PACRG: variants seen among roughly 807,000 people sequenced by gnomAD.
PACRG encodes parkin coregulated, also known as parkin coregulated gene protein.
PACRG carries 29 observed loss-of-function variants against 29.7 expected under a neutral mutation model. That is an observed-to-expected ratio of 0.98 (90% CI 0.73 to 1.33). The LOEUF (loss-of-function observed/expected upper bound fraction) is 1.33, where lower values mean the gene tolerates loss of function less well. PACRG is among the 40% of genes most tolerant of loss of function. The pLI is 0.00. For missense variants in PACRG, 279 were observed against 316.2 expected (o/e 0.88, Z 0.89); for synonymous variants, 116 against 118.7 (o/e 0.98, Z 0.15).
intron 4 of PACRG, among the ~76,000 whole-genome samples, chr6:163,139,872 A>G (rs970925242): frequency 6.6e-6 from 1 of 152,162 alleles, no homozygotes; most frequent in Admixed American, 6.5e-5. Context: ...TGCGTTTGCT[A>G]AGGAGTCCCT....
intron 4 of PACRG, among the ~76,000 whole-genome samples, chr6:163,099,641 A>G (rs1186480241): frequency 6.6e-6 from 1 of 152,214 alleles, no homozygotes; most frequent in Non-Finnish European, 1.5e-5. Flanking sequence ...GCACCAACTA[A>G]TGACTTTTTA....
chr6:163,304,973 C>T (rs1447267155), intron 4 of PACRG, among the ~76,000 whole-genome samples: 1 of 152,230 alleles, frequency 6.6e-6, no homozygotes, highest in Non-Finnish European at 1.5e-5. Context: ...GAAAGATAAA[C>T]AGACTATTAA....
chr6:162,889,670 T>C (rs900921219), intron 2 of PACRG, among the ~76,000 whole-genome samples: 1 of 152,268 alleles, frequency 6.6e-6, no homozygotes, highest in Non-Finnish European at 1.5e-5. Flanking sequence ...TAGCTGACTT[T>C]AGCATTTTGG....
chr6:163,065,108 G>T (rs191215535), intron 3 of PACRG, among the ~76,000 whole-genome samples: 1 of 152,140 alleles, frequency 6.6e-6, no homozygotes, highest in East Asian at 1.9e-4. Context: ...CCACACCGTG[G>T]GTCTCGGACA....
At chr6:162,745,485 A>G (rs1435775719) in intron 1 of PACRG, among the ~76,000 whole-genome samples, 2 of 152,156 alleles carry the variant, frequency 1.3e-5, no homozygotes, top group African/African-American at 4.8e-5. Flanking sequence ...AATCACCATG[A>G]CACACATATA....
chr6:162,914,909 A>G (rs1043610519), intron 2 of PACRG, among the ~76,000 whole-genome samples: 1 of 152,058 alleles, frequency 6.6e-6, no homozygotes, highest in Non-Finnish European at 1.5e-5. Flanking sequence ...TGCAGATTAT[A>G]TATTATTTCT....
Position 163,168,469 on chromosome 6 carries a change from G to A in PACRG, c.613+79061G>A, listed in dbSNP as rs2128345431. 2.0e-5 allele frequency among the ~76,000 whole-genome samples: 3 copies of A among 152,282 alleles called. No individual in the cohort carries two copies. The South Asian group carries it at 6.2e-4, about 32-fold the overall frequency. ...AGATCACACCACCTCACTCCAGACT[G>A]AACAACAGAGCGAGACTCCGTCTCA... On this transcript the variant is annotated intron_variant, in intron 4 of 4. Transcript: ENST00000366888.
At chr6:162,732,795 T>A (rs1158291932) in intron 1 of PACRG, among the ~76,000 whole-genome samples, 1 of 152,196 alleles carries the variant, frequency 6.6e-6, no homozygotes, top group Admixed American at 6.5e-5. Flanking sequence ...TCTGGTACAA[T>A]GTTCTGCTCC....
At chr6:163,309,261 G>A (rs1449547859) in intron 4 of PACRG, among the ~76,000 whole-genome samples, 1 of 152,230 alleles carries the variant, frequency 6.6e-6, no homozygotes, top group East Asian at 1.9e-4. Flanking sequence ...CGATGGCGGT[G>A]CGGCTGAACC....
At chr6:162,900,576 T>G (rs969427553) in intron 2 of PACRG, among the ~76,000 whole-genome samples, 2 of 152,162 alleles carry the variant, frequency 1.3e-5, no homozygotes, top group Non-Finnish European at 2.9e-5. Context: ...CATCTCTTTC[T>G]CTGCATTTCC....
intron 2 of PACRG, among the ~76,000 whole-genome samples, chr6:162,985,795 A>G (rs764807368): frequency 2.0e-5 from 3 of 152,080 alleles, no homozygotes; most frequent in South Asian, 2.1e-4. Flanking sequence ...ATGATTGTAT[A>G]CCTAGAAAAC....
intron 2 of PACRG, among the ~76,000 whole-genome samples, chr6:162,923,826 T>C (rs1412723097): frequency 6.6e-6 from 1 of 152,088 alleles, no homozygotes; most frequent in Non-Finnish European, 1.5e-5. Flanking sequence ...GTTTTTATTT[T>C]CTTTTGTTTT....
chr6:163,178,095 G>A (rs1779473267), intron 4 of PACRG, among the ~76,000 whole-genome samples: 1 of 152,186 alleles, frequency 6.6e-6, no homozygotes, highest in Non-Finnish European at 1.5e-5. Flanking sequence ...ACGGAGCTCA[G>A]CCAGGAGAAA....
At chr6:163,049,946 G>C (rs1363837435) in intron 2 of PACRG, among the ~76,000 whole-genome samples, 1 of 151,892 alleles carries the variant, frequency 6.6e-6, no homozygotes, top group South Asian at 2.1e-4. Flanking sequence ...TATCCTACAA[G>C]ATACTTTTTT....
intron 2 of PACRG, among the ~76,000 whole-genome samples, chr6:163,005,929 A>G (rs934144341): frequency 6.8e-6 from 1 of 147,214 alleles, no homozygotes; most frequent in Non-Finnish European, 1.5e-5. Flanking sequence ...ATGTATATAT[A>G]TAACATGTAT....
intron 2 of PACRG, among the ~76,000 whole-genome samples, chr6:162,882,198 C>A (rs572310596): frequency 9.8e-5 from 13 of 132,244 alleles, no homozygotes; most frequent in African/African-American, 3.7e-4. Context: ...GGTGGGGGGG[C>A]GCACTCTCCA....
intron 2 of PACRG, among the ~76,000 whole-genome samples, chr6:162,930,434 T>C (rs1797765630): frequency 6.6e-6 from 1 of 152,028 alleles, no homozygotes; most frequent in South Asian, 2.1e-4. Flanking sequence ...TTTTTGTATG[T>C]TGATTTTGTA....
At chr6:162,995,708 G>A (rs986584634) in intron 2 of PACRG, among the ~76,000 whole-genome samples, 66 of 152,216 alleles carry the variant, frequency 4.3e-4, no homozygotes, top group African/African-American at 1.6e-3. Flanking sequence ...CTTCTGCGTC[G>A]CTCACGCTGG....
intron 2 of PACRG, among the ~76,000 whole-genome samples, chr6:162,949,564 AC>A (rs768993105): frequency 6.6e-6 from 1 of 151,962 alleles, no homozygotes; most frequent in Non-Finnish European, 1.5e-5. Flanking sequence ...TACTATAAAT[AC>A]CCTAGCTTGA....
Sources: gnomAD v4.1 joint callset for allele counts (sites outside exome capture counted in the v4.1 genomes callset) on GRCh38, gnomAD v4.1.1 for gene constraint, MANE v1.5 for transcripts, NCBI Gene and HGNC (gene_info 2026-07-23, HGNC 2026-07-21) for gene names.